The following OSBPL6 variants were observed in gnomAD, a reference collection of about 807,000 sequenced individuals.
OSBPL6 encodes oxysterol binding protein like 6, also known as oxysterol-binding protein-related protein 6.
OSBPL6 carries 49 observed loss-of-function variants against 125.8 expected under a neutral mutation model. The observed-to-expected ratio is 0.39, with a 90% CI of 0.31 to 0.49. The LOEUF (loss-of-function observed/expected upper bound fraction) is 0.49. OSBPL6 is among the 20% of genes least tolerant of loss of function. The pLI is 0.88. For synonymous variants in OSBPL6, 394 were observed against 391.8 expected (o/e 1.01, Z -0.07); for missense variants, 986 against 1,135.4 (o/e 0.87, Z 1.89).
chr2:178,278,461 A>C (rs185771435), intron 1 of OSBPL6, among the ~76,000 whole-genome samples: 100 of 152,334 alleles, frequency 6.6e-4, no homozygotes, highest in African/African-American at 2.2e-3. Flanking sequence ...TAATCAATCA[A>C]TACTTAGTGG....
rs146210304 is a variant in OSBPL6 at position 178,321,768 on chromosome 2, A to G, written c.103-2409A>G. Among the ~76,000 whole-genome samples the G allele has an allele frequency of 5.3e-5, 8 of 152,300 alleles. No homozygotes were observed. In the East Asian group the frequency reaches 1.4e-3, roughly 26 times the overall value. On this transcript the variant is annotated intron_variant, in intron 3 of 24. Coordinates refer to ENST00000190611, the MANE Select transcript of OSBPL6 (RefSeq NM_032523.4). Reference sequence around the variant, plus strand: ...TACATTAGTGATAATAAAAATATTCATTTACTTGCTATGTCTCACTAAATG... The same window carrying G: ...TACATTAGTGATAATAAAAATATTCGTTTACTTGCTATGTCTCACTAAATG...
At position 178,219,469 on chromosome 2, in the gene OSBPL6, A is replaced by G. The variant is rs927720719; in HGVS notation, c.-351+24795A>G. On this transcript the variant is annotated intron_variant, in intron 1 of 24. Transcript: ENST00000190611. ...TTAGTTCCATAACAATTGGGTTTGG[A>G]GATAGCACCCTAGGGGCCAAGGGTG... Among the ~76,000 whole-genome samples the G allele has an allele frequency of 6.0e-4, 91 of 152,164 alleles. 1 individual carries two copies. Among genetic ancestry groups the G allele is most frequent in the Non-Finnish European group, 2.2e-4 (15 of 68,030 alleles).
chr2:178,321,242 A>C (rs539399611), intron 3 of OSBPL6, among the ~76,000 whole-genome samples: 1 of 152,126 alleles, frequency 6.6e-6, no homozygotes, highest in East Asian at 1.9e-4. Context: ...AATTCCACAC[A>C]TTTTTGACTG....
Position 178,306,068 on chromosome 2 carries a change from G to A in OSBPL6, c.-117G>A. 1 of 698,208 alleles carries A rather than the reference G, an allele frequency of 1.4e-6. No homozygotes were observed. The highest frequency in any genetic ancestry group is 2.5e-6 in the Non-Finnish European group (1 of 395,436). 43.3% of individuals were successfully genotyped at this position (698,208 alleles called of 1,614,324 possible). A position where few individuals can be genotyped will look rare whatever the true frequency, so the allele number is the denominator to read the frequency against. On this transcript the variant is annotated 5_prime_UTR_variant, in exon 3 of 25. Coordinates refer to ENST00000190611, the MANE Select transcript of OSBPL6 (RefSeq NM_032523.4). ...CCTCAATATTGCCTGCTCTTTTCTAGTCAAACCTGATTCATGAAATGGAAT... is the reference window on the plus strand; with the variant it reads ...CCTCAATATTGCCTGCTCTTTTCTAATCAAACCTGATTCATGAAATGGAAT...
At chr2:178,313,049 C>G (rs542112521) in intron 3 of OSBPL6, among the ~76,000 whole-genome samples, 12 of 152,182 alleles carry the variant, frequency 7.9e-5, no homozygotes, top group South Asian at 6.2e-4. Context: ...GCGCCCAACA[C>G]CACGCCCAGC....
Position 178,306,284 on chromosome 2 carries a change from C to G in OSBPL6, c.100C>G (p.Gln34Glu), listed in dbSNP as rs1686753311. Residue 34 changes from glutamine (Q) to glutamate (E), a missense_variant and splice_region_variant, in exon 3 of 25, where the codon CAG becomes GAG. Gln to Glu is a conservative substitution (Grantham distance 29). Around this residue, in one of 3 missense-constraint regions of OSBPL6, gnomAD observed 130 missense variants for 106.4 expected, o/e 1.22. Coordinates refer to ENST00000190611, the MANE Select transcript of OSBPL6 (RefSeq NM_032523.4). ...AACATCCTCCCAAAGGGACAGTAGGCAGGTAAGAGAAGAGCATTAAGTGCC... is the reference window on the plus strand; with the variant it reads ...AACATCCTCCCAAAGGGACAGTAGGGAGGTAAGAGAAGAGCATTAAGTGCC... ...SSTSSQRDSRQSIHILERTAS... is the reference protein window; with the variant it reads ...SSTSSQRDSRESIHILERTAS... 3.8e-6 allele frequency: 6 copies of G among 1,599,478 alleles called. No individual in the cohort carries two copies. Among genetic ancestry groups the G allele is most frequent in the Non-Finnish European group, 5.1e-6 (6 of 1,166,890 alleles).
chr2:178,345,300 G>GA (rs1222171967), intron 11 of OSBPL6, among the ~76,000 whole-genome samples: 1 of 152,162 alleles, frequency 6.6e-6, no homozygotes, highest in East Asian at 1.9e-4. Flanking sequence ...TAGAATTGCT[G>GA]AAAAAATATG....
At chr2:178,264,809 ATCT>A (rs1182419305) in intron 1 of OSBPL6, among the ~76,000 whole-genome samples, 3 of 152,126 alleles carry the variant, frequency 2.0e-5, no homozygotes, top group Non-Finnish European at 2.9e-5. Context: ...ACTAATTGTT[ATCT>A]TATTAAAAAT....
Position 178,383,079 on chromosome 2 carries a change from G to A in OSBPL6, c.1677G>A (p.Leu559=). ...GAFRNGRRAC[L]PAPCPDTSNI... The stretch of plus-strand genomic sequence containing the variant: ...TCCGAAATGGGCGTCGAGCATGCCT[G>A]CCAGCTCCTTGTCCTGACACCAGTA... Residue 559 remains leucine (L), a synonymous_variant, in exon 17 of 25, where the codon CTG becomes CTA. Transcript: ENST00000190611. 6.2e-7 allele frequency: 1 copy of A among 1,614,194 alleles called. No individual in the cohort carries two copies. The highest frequency in any genetic ancestry group is 1.7e-5 in the Admixed American group (1 of 60,020).
chr2:178,256,373 G>A (rs903051177), intron 1 of OSBPL6, among the ~76,000 whole-genome samples: 1 of 152,200 alleles, frequency 6.6e-6, no homozygotes, highest in Non-Finnish European at 1.5e-5. Context: ...TCTCGAAGGG[G>A]CCAGCCCTTT....
chr2:178,299,078 C>A (rs1402869607), intron 2 of OSBPL6, among the ~76,000 whole-genome samples: 1 of 152,180 alleles, frequency 6.6e-6, no homozygotes, highest in African/African-American at 2.4e-5. Flanking sequence ...CCATATTTCC[C>A]AGTATTATTT....
chr2:178,249,140 A>G (rs1172423395), intron 1 of OSBPL6, among the ~76,000 whole-genome samples: 1 of 152,164 alleles, frequency 6.6e-6, no homozygotes, highest in Non-Finnish European at 1.5e-5. Context: ...GGGTTTCACC[A>G]TGTTGGCCAG....
chr2:178,355,555 A>G (rs986099517), intron 12 of OSBPL6, among the ~76,000 whole-genome samples: 3 of 152,194 alleles, frequency 2.0e-5, no homozygotes, highest in Non-Finnish European at 4.4e-5. Context: ...TGAATCTCTG[A>G]ATAGACCAAT....
rs558143806 is a variant in OSBPL6, at chr2:178,332,312, G to A, written c.373-329G>A. On this transcript the variant is annotated intron_variant, in intron 6 of 24. Coordinates refer to ENST00000190611, the MANE Select transcript of OSBPL6 (RefSeq NM_032523.4). ...CTGGGTTATACGTCAAAGATTGACC[G>A]CAGTTATTTTAGGACCGCTAAAGAT... Among the ~76,000 whole-genome samples, 149 of 152,306 alleles carry A rather than the reference G, an allele frequency of 9.8e-4. 2 individuals are homozygous for A. Among genetic ancestry groups the A allele is most frequent in the Admixed American group, 5.9e-4 (9 of 15,298 alleles).
chr2:178,313,458 A>T (rs1023422026), intron 3 of OSBPL6, among the ~76,000 whole-genome samples: 1 of 152,158 alleles, frequency 6.6e-6, no homozygotes, highest in Admixed American at 6.5e-5. Flanking sequence ...ACCAGGTTAG[A>T]CCTTGTAAAT....
At chr2:178,339,532 A>G (rs1179199577) in intron 10 of OSBPL6, 140 bp from the exon 11 acceptor site, 1 of 473,104 alleles carries the variant, frequency 2.1e-6, no homozygotes, top group Non-Finnish European at 3.6e-6. Context: ...CTATTCGTCT[A>G]ATATGCCTTT....
chr2:178,325,348 C>A (rs1688602360), intron 4 of OSBPL6, among the ~76,000 whole-genome samples: 1 of 152,120 alleles, frequency 6.6e-6, no homozygotes, highest in Non-Finnish European at 1.5e-5. Flanking sequence ...ACTTTACTAC[C>A]CAACTGTATG....
chr2:178,245,862 C>T (rs1049129197), intron 1 of OSBPL6, among the ~76,000 whole-genome samples: 2 of 152,114 alleles, frequency 1.3e-5, no homozygotes, highest in African/African-American at 4.8e-5. Context: ...GACTCTAAGC[C>T]CCCAGCCCTA....
chr2:178,344,173 G>A (rs371693434), intron 11 of OSBPL6: 4 of 875,958 alleles, frequency 4.6e-6, no homozygotes, highest in South Asian at 1.6e-5. Context: ...AAGAAAAGTC[G>A]ACTTCAGTTA....
Sources: gnomAD v4.1 joint callset for allele counts (sites outside exome capture counted in the v4.1 genomes callset) on GRCh38, gnomAD v4.1.1 for gene constraint, gnomAD v4.1.1 regional missense constraint, MANE v1.5 for transcripts, NCBI Gene and HGNC (gene_info 2026-07-23, HGNC 2026-07-21) for gene names.